The following DNAH1 variants were observed in gnomAD, a reference collection of about 807,000 sequenced individuals.
The protein encoded by DNAH1 is dynein axonemal heavy chain 1.
DNAH1 carries 327 observed loss-of-function variants against 484.3 expected under a neutral mutation model. That is an observed-to-expected ratio of 0.68 (90% CI 0.62 to 0.74). DNAH1 has a LOEUF of 0.74. Ranked by LOEUF, DNAH1 falls within the 30% of genes least tolerant of loss-of-function variation. DNAH1 has a pLI of 0.00. For missense variants in DNAH1, 5,052 were observed against 5,546.8 expected (o/e 0.91, Z 2.83); for synonymous variants, 2,192 against 2,191.9 (o/e 1.00, Z 0.00).
At chr3:52,312,471 C>CTTTT (rs1206348745), upstream of DNAH1, among the ~76,000 whole-genome samples, 3 of 135,146 alleles carry the variant, frequency 2.2e-5, no homozygotes, top group South Asian at 4.7e-4. Flanking sequence ...TATTGCCACG[C>CTTTT]TTTTTTTTTT....
chr3:52,326,761 A>G lies in DNAH1; in HGVS notation c.608A>G (p.Asp203Gly). Residue 203 changes from aspartate (D) to glycine (G), a missense_variant, in exon 5 of 78, where the codon GAC (aspartate) becomes GGC (glycine). Coordinates refer to ENST00000420323, the MANE Select transcript of DNAH1 (RefSeq NM_015512.5). ...ERRKQQYLSL[D>G]IEQLLFSQGI... The stretch of plus-strand genomic sequence containing the variant: ...AGGAAACAGCAGTACCTGAGCCTGG[A>G]CATTGAGCAGTTGCTGTTCAGCCAG... The G allele has an allele frequency of 6.2e-7, 1 of 1,613,732 alleles. No individual in the cohort carries two copies. The highest frequency in any genetic ancestry group is 1.1e-5 in the South Asian group (1 of 91,074).
chr3:52,338,201 C>T (rs917674551), intron 8 of DNAH1, among the ~76,000 whole-genome samples: 19 of 151,604 alleles, frequency 1.3e-4, no homozygotes, highest in African/African-American at 4.1e-4. Context: ...CTCTGCCTCC[C>T]GGGCTCAAGC....
rs1471331377 is a variant in DNAH1, at chr3:52,379,315, G to C, written c.7377+535G>C. On this transcript the variant is annotated intron_variant, in intron 47 of 77. Transcript: ENST00000420323. The surrounding 1 kb of genome is among the most constrained non-coding windows in gnomAD (Gnocchi z 4.4). ...TGTGTAGCCCAGGCTAAGGAGATGG[G>C]GTGAGCAGGACAGAAGCTGACCCTG... Among the ~76,000 whole-genome samples, 1 of 152,162 alleles carries C rather than the reference G, an allele frequency of 6.6e-6. No homozygotes were observed. The highest frequency in any genetic ancestry group is 1.5e-5 in the Non-Finnish European group (1 of 68,028).
At chr3:52,373,106 G>C in intron 44 of DNAH1, 53 bp downstream of exon 44, 2 of 1,532,812 alleles carry the variant, frequency 1.3e-6, no homozygotes, top group South Asian at 2.5e-5. Flanking sequence ...GCTGTGCAGG[G>C]GCACAGGAGG....
In DNAH1 at chr3:52,384,859, A is replaced by G. The variant is rs1296263525; in HGVS notation, c.8396A>G (p.His2799Arg). ...CIEYLAELTR[H>R]NYVTPKSYLE... ...GAGTACCTGGCAGAGCTGACCCGCC[A>G]CAACTATGTGACCCCCAAGAGCTAC... is the stretch of plus-strand genomic sequence containing the variant. The change falls in exon 53 of 78, where the codon CAC becomes CGC. Residue 2799 changes from histidine to arginine, a missense_variant. Physicochemically the swap from His to Arg is conservative, Grantham distance 29. This residue lies in a region of DNAH1 where 2,929 missense variants were observed against 3,409.4 expected (regional missense o/e 0.86). Coordinates refer to ENST00000420323, the MANE Select transcript of DNAH1 (RefSeq NM_015512.5). 25 of 1,612,732 alleles carry G rather than the reference A, an allele frequency of 1.6e-5. No individual in the cohort carries two copies. The highest frequency in any genetic ancestry group is 2.1e-5 in the Non-Finnish European group (25 of 1,179,330).
Position 52,363,152 on chromosome 3 carries a change from C to T in DNAH1, c.5244+8C>T. On this transcript the variant is annotated splice_region_variant and intron_variant, in intron 32 of 77. Transcript: ENST00000420323. ...GAGCAGCTCAGCTCCCAGGTGTGGTCCTGCCCTGATGGGTTTCCAGGGTCT... is the reference window on the plus strand; with the variant it reads ...GAGCAGCTCAGCTCCCAGGTGTGGTTCTGCCCTGATGGGTTTCCAGGGTCT... 6.2e-7 allele frequency: 1 copy of T among 1,613,240 alleles called. No individual in the cohort carries two copies. The highest frequency in any genetic ancestry group is 1.3e-5 in the African/African-American group (1 of 75,052).
chr3:52,370,381 C>T, intron 39 of DNAH1, 96 bp from the exon 40 acceptor site: 2 of 1,572,336 alleles, frequency 1.3e-6, no homozygotes, highest in East Asian at 2.3e-5. Context: ...AGAAACAAAG[C>T]TGTGTAGCAG....
Position 52,346,649 on chromosome 3 carries a change from C to T in DNAH1, c.1834C>T (p.Arg612Cys), listed in dbSNP as rs762421307. ...LVKYMLQDTLRFLVQDSLASF... is the reference protein window; with the variant it reads ...LVKYMLQDTLCFLVQDSLASF... ...GAAGTACATGCTGCAGGACACACTG[C>T]GCTTCCTGGTGCAGGACTCACTTGC... Residue 612 changes from arginine to cysteine, a missense_variant, in exon 11 of 78, where the codon CGC becomes TGC. By Grantham distance (180) the Arg-to-Cys change is radical (BLOSUM62 -3). Around this residue, in one of 4 missense-constraint regions of DNAH1, gnomAD observed 1,263 missense variants for 1,218.8 expected, o/e 1.04. Coordinates refer to ENST00000420323, the MANE Select transcript of DNAH1 (RefSeq NM_015512.5). 27 of 1,613,936 alleles carry T rather than the reference C, an allele frequency of 1.7e-5. No individual in the cohort carries two copies. The highest frequency in any genetic ancestry group is 9.9e-5 in the South Asian group (9 of 91,094).
intron 63 of DNAH1, 148 bp downstream of exon 63, chr3:52,391,751 C>G (rs1269110787): frequency 2.1e-6 from 2 of 930,802 alleles, no homozygotes; most frequent in Admixed American, 2.2e-5. Context: ...ACATTCGAAG[C>G]CTTTCTAGCA....
chr3:52,386,125 AG>A, intron 54 of DNAH1, 34 bp from the exon 55 acceptor site: 4 of 1,585,380 alleles, frequency 2.5e-6, no homozygotes, highest in South Asian at 1.1e-5. Flanking sequence ...AGAAGAGAAA[AG>A]GGGGGAGGAC....
intron 8 of DNAH1, among the ~76,000 whole-genome samples, chr3:52,343,035 CA>C (rs1160156846): frequency 6.6e-6 from 1 of 152,042 alleles, no homozygotes; most frequent in African/African-American, 2.4e-5. Context: ...GAGGAAGATC[CA>C]GGGGAAGGGT....
At chr3:52,351,100 G>A (rs1019361658) in intron 16 of DNAH1, among the ~76,000 whole-genome samples, 6 of 152,100 alleles carry the variant, frequency 3.9e-5, no homozygotes, top group African/African-American at 2.4e-5. Flanking sequence ...TCCACCCGCC[G>A]CGCCCTCCCA....
At position 52,397,860 on chromosome 3, in the gene DNAH1, A is replaced by C; in HGVS notation, c.11941A>C (p.Ser3981Arg). 1.2e-6 allele frequency: 2 copies of C among 1,606,746 alleles called. No individual in the cohort carries two copies. The highest frequency in any genetic ancestry group is 1.1e-5 in the South Asian group (1 of 89,786). ...QLQPKSSSAG[S>R]QGREEIVEDV... is the part of the protein sequence containing the mutation. ...GCAACCCAAATCATCTTCTGCAGGC[A>C]GCCAGGGCCGGGAGGAGGTGGGTGG... Residue 3981 changes from serine (S) to arginine (R), a missense_variant, in exon 74 of 78, where the codon AGC becomes CGC. Physicochemically the swap from Ser to Arg is moderately radical, Grantham distance 110. Coordinates refer to ENST00000420323, the MANE Select transcript of DNAH1 (RefSeq NM_015512.5).
Position 52,398,094 on chromosome 3 carries a change from G to A in DNAH1, c.12021G>A (p.Trp4007Ter). ...TGCCTGAGCCTATCAACTTGCAATG[G>A]GTGATGGCCAAGTACCCAGTGCTGT... ...LKVPEPINLQWVMAKYPVLYE... is the reference protein window; with the variant it reads ...LKVPEPINLQ The change falls in exon 75 of 78, where the codon TGG becomes TGA. Residue 4007 changes from tryptophan to a stop codon, truncating the protein, a stop_gained. Coordinates refer to ENST00000420323, the MANE Select transcript of DNAH1 (RefSeq NM_015512.5). LOFTEE classifies it high-confidence loss of function. 1 of 1,613,894 alleles carries A rather than the reference G, an allele frequency of 6.2e-7. No individual in the cohort carries two copies. The highest frequency in any genetic ancestry group is 8.5e-7 in the Non-Finnish European group (1 of 1,179,894).
At chr3:52,318,092 C>T (rs185967163) in intron 1 of DNAH1, among the ~76,000 whole-genome samples, 1 of 152,354 alleles carries the variant, frequency 6.6e-6, no homozygotes, top group East Asian at 1.9e-4. Flanking sequence ...CGCTCTGTCG[C>T]CCAGGCTGGA....
In DNAH1 at chr3:52,357,920, G is replaced by T; in HGVS notation, c.4003G>T (p.Glu1335Ter). The part of the protein sequence containing the change: ...FPRFYFLSDD[E>*]LLEILSQTKD... ...CAGATTCTACTTCCTGTCAGATGAT[G>T]AACTACTAGAGATCTTGTCGCAGAC... Residue 1335 changes from glutamate to a stop codon, truncating the protein, a stop_gained, in exon 24 of 78, where the codon GAA becomes TAA. Transcript: ENST00000420323. LOFTEE classifies it high-confidence loss of function. The T allele has an allele frequency of 6.2e-7, 1 of 1,613,052 alleles. No individual in the cohort carries two copies. Among genetic ancestry groups the T allele is most frequent in the South Asian group, 1.1e-5 (1 of 91,032 alleles).
intron 43 of DNAH1, 132 bp from the exon 44 acceptor site, chr3:52,372,764 G>A (rs1703399968): frequency 8.2e-7 from 1 of 1,219,824 alleles, no homozygotes; most frequent in Non-Finnish European, 1.1e-6. Flanking sequence ...GTGGGTCAAG[G>A]CATCTAGCAA....
chr3:52,396,682 G>GT lies in DNAH1; in HGVS notation c.11496dup (p.Lys3833Ter), dbSNP rs2153225775. 1.2e-6 allele frequency: 2 copies of GT among 1,613,720 alleles called. No individual in the cohort carries two copies. The highest frequency in any genetic ancestry group is 8.5e-7 in the Non-Finnish European group (1 of 1,179,876). ...TTCCATGGGAACGCCCTGGAGCGCC[G>GT]TAAGTTTGGGCCCCTGGGCTTCAAC... On this transcript the variant is annotated frameshift_variant, in exon 72 of 78. Coordinates refer to ENST00000420323, the MANE Select transcript of DNAH1 (RefSeq NM_015512.5). LOFTEE classifies it high-confidence loss of function.
chr3:52,362,301 C>T lies in DNAH1; in HGVS notation c.4981-87C>T. ...CTACCAGCTACAGCCAGGACAGGGG[C>T]ATCAACAGGGGACAAGGGGCCCACT... On this transcript the variant is annotated intron_variant, in intron 30 of 77. Transcript: ENST00000420323. The surrounding 1 kb of genome is among the most constrained non-coding windows in gnomAD (Gnocchi z 5.1). 1 of 1,074,552 alleles carries T rather than the reference C, an allele frequency of 9.3e-7. No homozygotes were observed. The highest frequency in any genetic ancestry group is 1.4e-6 in the Non-Finnish European group (1 of 716,046). 66.6% of individuals were successfully genotyped at this position (1,074,552 alleles called of 1,614,324 possible).
Sources: allele counts gnomAD v4.1 joint callset (sites outside exome capture counted in the v4.1 genomes callset), GRCh38; gene constraint gnomAD v4.1.1; regional missense constraint gnomAD v4.1.1; non-coding constraint Gnocchi (gnomAD v3.1); transcripts MANE v1.5; gene names NCBI Gene and HGNC (gene_info 2026-07-23, HGNC 2026-07-21).